GLT1D1: variants seen among roughly 807,000 people sequenced by gnomAD.
GLT1D1 encodes glycosyltransferase 1 domain containing 1, also known as glycosyltransferase 1 domain-containing protein 1.
GLT1D1 carries 21 observed loss-of-function variants against 28.7 expected under a neutral mutation model. The observed-to-expected ratio is 0.73, with a 90% CI of 0.52 to 1.05. GLT1D1 has a LOEUF of 1.05. Ranked by LOEUF, GLT1D1 falls within the 50% of genes least tolerant of loss-of-function variation. The probability of loss-of-function intolerance (pLI) is 0.00; values close to 1 mark genes in which losing one functional copy is unlikely to be tolerated. For synonymous variants in GLT1D1, 147 were observed against 124.8 expected (o/e 1.18, Z -1.19); for missense variants, 343 against 330.6 (o/e 1.04, Z -0.29).
chr12:128,944,677 A>G, intron 4 of GLT1D1: 1 of 712,808 alleles, frequency 1.4e-6, no homozygotes, highest in Non-Finnish European at 2.6e-6. Context: ...TGTCCTTGGA[A>G]AACTATCCAA....
intron 1 of GLT1D1, among the ~76,000 whole-genome samples, chr12:128,858,379 T>C (rs1956276408): frequency 6.6e-6 from 1 of 152,152 alleles, no homozygotes; most frequent in Non-Finnish European, 1.5e-5. Context: ...TCTGCATCTG[T>C]AAAGAATTTC....
intron 6 of GLT1D1, among the ~76,000 whole-genome samples, chr12:128,949,475 C>G (rs990724947): frequency 6.6e-6 from 1 of 152,160 alleles, no homozygotes; most frequent in African/African-American, 2.4e-5. Context: ...AAGTGCCTAT[C>G]ACTTTTGAAG....
At chr12:128,910,245 C>A (rs927330308) in intron 4 of GLT1D1, among the ~76,000 whole-genome samples, 2 of 146,884 alleles carry the variant, frequency 1.4e-5, no homozygotes, top group Non-Finnish European at 3.0e-5. Context: ...GCTGACAGAG[C>A]TGAGATACAA....
chr12:128,932,382 G>A (rs1442583679), intron 4 of GLT1D1, among the ~76,000 whole-genome samples: 1 of 152,212 alleles, frequency 6.6e-6, no homozygotes, highest in Non-Finnish European at 1.5e-5. Context: ...AGTTGGCTTG[G>A]GTGGAGCAGA....
intron 6 of GLT1D1, among the ~76,000 whole-genome samples, chr12:128,956,171 A>AAAAAAAAAAAAAG (rs374597920): frequency 7.8e-5 from 5 of 63,940 alleles, no homozygotes; most frequent in Admixed American, 4.2e-4. Context: ...AAAAAAAAAA[A>AAAAAAAAAAAAAG]AGAGAAAGAG....
chr12:128,862,609 A>T (rs1377841263), intron 1 of GLT1D1, among the ~76,000 whole-genome samples: 1 of 152,172 alleles, frequency 6.6e-6, no homozygotes, highest in Non-Finnish European at 1.5e-5. Flanking sequence ...GCACCACTGC[A>T]CTCCAGCTTG....
chr12:128,855,840 C>T (rs187389248), intron 1 of GLT1D1, among the ~76,000 whole-genome samples: 105 of 149,350 alleles, frequency 7.0e-4, no homozygotes, highest in East Asian at 2.6e-3. Context: ...GCAACCTCTG[C>T]CCCCCGGTTC....
At chr12:128,917,762 C>T (rs1196935398) in intron 4 of GLT1D1, among the ~76,000 whole-genome samples, 2 of 152,144 alleles carry the variant, frequency 1.3e-5, no homozygotes, top group Non-Finnish European at 2.9e-5. Context: ...CAAATCGAAA[C>T]CACAATGAGA....
intron 6 of GLT1D1, among the ~76,000 whole-genome samples, chr12:128,954,467 C>T (rs886120503): frequency 2.0e-5 from 3 of 152,022 alleles, no homozygotes; most frequent in Non-Finnish European, 2.9e-5. Context: ...TGCTTTATCT[C>T]GAGGTCTGGT....
At chr12:128,966,835 T>C (rs1878505098) in intron 7 of GLT1D1, among the ~76,000 whole-genome samples, 1 of 152,162 alleles carries the variant, frequency 6.6e-6, no homozygotes. Flanking sequence ...TCAGCCCTGG[T>C]AGGAACAGAA....
chr12:128,926,237 A>AT lies in GLT1D1; in HGVS notation c.376-19089_376-19088insT, dbSNP rs1402574124. ...AATAATAATAATAATAATAATAATA[A>AT]GAGTAGGAGAAGCTGGCCTCGAAGT... On this transcript the variant is annotated intron_variant, in intron 4 of 7. Coordinates refer to ENST00000281703, the MANE Select transcript of GLT1D1 (RefSeq NM_144669.3). 937 of 284,528 alleles carry AT rather than the reference A, an allele frequency of 3.3e-3. 6 individuals carry two copies. Among genetic ancestry groups the AT allele is most frequent in the Admixed American group, 5.8e-3 (107 of 18,396 alleles). The allele number at this position is 284,528 out of a possible 1,614,324, so 17.6% of individuals were successfully genotyped here.
chr12:128,858,280 G>GA (rs543663357), intron 1 of GLT1D1, among the ~76,000 whole-genome samples: 1 of 151,904 alleles, frequency 6.6e-6, no homozygotes, highest in Admixed American at 6.6e-5. Flanking sequence ...TATGAGACAA[G>GA]AAAAAAAATC....
At chr12:128,900,025 G>C (rs886834802) in intron 4 of GLT1D1, among the ~76,000 whole-genome samples, 1 of 152,164 alleles carries the variant, frequency 6.6e-6, no homozygotes, top group Non-Finnish European at 1.5e-5. Context: ...CCACAAGTTA[G>C]TTCATTTATT....
chr12:128,869,868 AT>A (rs1394418753), intron 1 of GLT1D1, among the ~76,000 whole-genome samples: 1 of 151,708 alleles, frequency 6.6e-6, no homozygotes. Context: ...ACACTTCCTG[AT>A]CTAGTCACTT....
At chr12:128,973,348 ATTT>A (rs369304204) in intron 7 of GLT1D1, among the ~76,000 whole-genome samples, 3 of 118,870 alleles carry the variant, frequency 2.5e-5, no homozygotes, top group African/African-American at 9.7e-5. Flanking sequence ...ACACCTGGCT[ATTT>A]TTTTTTTTTT....
chr12:128,920,403 A>G (rs1048596498), intron 4 of GLT1D1, among the ~76,000 whole-genome samples: 2 of 152,024 alleles, frequency 1.3e-5, no homozygotes, highest in African/African-American at 4.8e-5. Flanking sequence ...AAAATACAAA[A>G]ATTAGCCAGG....
intron 6 of GLT1D1, 148 bp downstream of exon 10, chr12:128,947,606 G>C: frequency 1.3e-6 from 1 of 788,926 alleles, no homozygotes; most frequent in South Asian, 1.6e-5. Flanking sequence ...GAGTTCAAAA[G>C]TACTTTTGAA....
chr12:128,884,340 C>T (rs1566101998), intron 2 of GLT1D1, among the ~76,000 whole-genome samples: 1 of 152,060 alleles, frequency 6.6e-6, no homozygotes, highest in East Asian at 1.9e-4. Context: ...ATGTGAAATC[C>T]AGAAAGTCAA....
rs562078646 is a variant in GLT1D1, at chr12:128,930,675, C to CG, written c.376-14645dup. Among the ~76,000 whole-genome samples the CG allele has an allele frequency of 2.1e-3, 317 of 152,178 alleles. 2 individuals are homozygous for CG. The highest frequency in any genetic ancestry group is 6.7e-3 in the African/African-American group (280 of 41,498). On this transcript the variant is annotated intron_variant, in intron 4 of 7. Coordinates refer to ENST00000281703, the MANE Select transcript of GLT1D1 (RefSeq NM_144669.3). Reference sequence around the variant, plus strand: ...CTTTTTCTGGATCAGGAAGCTGGTACGGGGGGCAAACGCAGGGGCACACAG... The same window carrying CG: ...CTTTTTCTGGATCAGGAAGCTGGTACGGGGGGGCAAACGCAGGGGCACACAG...
Sources: gnomAD v4.1 joint callset for allele counts (sites outside exome capture counted in the v4.1 genomes callset) on GRCh38, gnomAD v4.1.1 for gene constraint, MANE v1.5 for transcripts, NCBI Gene and HGNC (gene_info 2026-07-23, HGNC 2026-07-21) for gene names.